Variants in CDH2 observed in about 807,000 individuals in gnomAD.
CDH2 encodes cadherin 2, also known as cadherin-2.
Under a neutral mutation model 92.0 loss-of-function variants are expected in CDH2, and 17 were observed. The observed-to-expected ratio is 0.18, with a 90% confidence interval of 0.13 to 0.28. CDH2 has a LOEUF of 0.28. Ranked by LOEUF, CDH2 falls within the 10% of genes least tolerant of loss-of-function variation. CDH2 has a pLI of 1.00. For synonymous variants in CDH2, 419 were observed against 415.9 expected, an observed-to-expected ratio of 1.01 and a Z score of -0.09; for missense variants, 862 against 1,133.1, an observed-to-expected ratio of 0.76 and a Z score of 3.44.
At chr18:28,015,721 T>C (rs966112735) in intron 2 of CDH2, among the ~76,000 whole-genome samples, 2 of 152,204 alleles carry the variant, frequency 1.3e-5, no homozygotes, top group African/African-American at 2.4e-5. Context: ...CATAAACACC[T>C]GGACTGTTAC....
At chr18:27,959,026 C>T (rs1334799903) in intron 15 of CDH2, among the ~76,000 whole-genome samples, 1 of 151,828 alleles carries the variant, frequency 6.6e-6, no homozygotes, top group Non-Finnish European at 1.5e-5. Context: ...TTCATAGCAG[C>T]GTGAAAACAG....
intron 1 of CDH2, among the ~76,000 whole-genome samples, chr18:28,171,002 G>A (rs1004083948): frequency 1.3e-5 from 2 of 151,918 alleles, no homozygotes; most frequent in Non-Finnish European, 2.9e-5. Flanking sequence ...GCCGAGGCAG[G>A]CGGATTCCCT....
chr18:27,953,819 T>C (rs1909580618), intron 15 of CDH2, among the ~76,000 whole-genome samples: 1 of 152,184 alleles, frequency 6.6e-6, no homozygotes, highest in South Asian at 2.1e-4. Flanking sequence ...ACCCGAGGTC[T>C]CACCACAGTG....
intron 15 of CDH2, among the ~76,000 whole-genome samples, chr18:27,962,311 C>T (rs1256349559): frequency 6.6e-6 from 1 of 152,098 alleles, no homozygotes; most frequent in Non-Finnish European, 1.5e-5. Flanking sequence ...TACATATGTT[C>T]AGAAAGGCAG....
At chr18:28,166,614 A>C (rs901567334) in intron 1 of CDH2, among the ~76,000 whole-genome samples, 2 of 152,192 alleles carry the variant, frequency 1.3e-5, no homozygotes, top group Non-Finnish European at 2.9e-5. Flanking sequence ...GCAGCAAAAC[A>C]ATGTGTAGAG....
intron 6 of CDH2, among the ~76,000 whole-genome samples, chr18:27,942,186 CT>C (rs1909155058): frequency 6.6e-6 from 1 of 152,034 alleles, no homozygotes. Flanking sequence ...TTACAAAGTT[CT>C]TATGGAAGTT....
intron 1 of CDH2, among the ~76,000 whole-genome samples, chr18:28,155,540 G>A (rs1408216770): frequency 6.6e-6 from 1 of 152,176 alleles, no homozygotes; most frequent in Non-Finnish European, 1.5e-5. Flanking sequence ...AGATGCACAA[G>A]TGGAATTCCC....
At chr18:27,961,573 G>A (rs901225922) in intron 15 of CDH2, among the ~76,000 whole-genome samples, 3 of 152,102 alleles carry the variant, frequency 2.0e-5, no homozygotes, top group African/African-American at 7.2e-5. Context: ...TAGTTCAGTG[G>A]GGCTGCAGCA....
chr18:28,032,422 C>A (rs574213321), intron 2 of CDH2, among the ~76,000 whole-genome samples: 1 of 151,930 alleles, frequency 6.6e-6, no homozygotes, highest in Non-Finnish European at 1.5e-5. Context: ...AAGATTGCAC[C>A]CACTTCCTCA....
intron 4 of CDH2, 121 bp downstream of exon 4, chr18:28,011,725 T>C: frequency 2.2e-6 from 2 of 912,694 alleles, no homozygotes; most frequent in East Asian, 2.6e-5. Context: ...TCTATCTTTA[T>C]AGAAAAACAC....
chr18:28,022,441 C>T (rs1299949032), intron 2 of CDH2, among the ~76,000 whole-genome samples: 2 of 151,888 alleles, frequency 1.3e-5, no homozygotes, highest in Non-Finnish European at 2.9e-5. Context: ...TAAATTTGAC[C>T]TTGTGTTCAC....
intron 14 of CDH2, among the ~76,000 whole-genome samples, chr18:27,973,505 T>A (rs1296680690): frequency 6.6e-6 from 1 of 152,170 alleles, no homozygotes; most frequent in Non-Finnish European, 1.5e-5. Flanking sequence ...CTATACAGTG[T>A]TGTATTTCAT....
intron 1 of CDH2, among the ~76,000 whole-genome samples, 191 bp from the exon 2 acceptor site, chr18:28,147,975 C>G (rs560930678): frequency 6.6e-6 from 1 of 152,214 alleles, no homozygotes; most frequent in South Asian, 2.1e-4. Flanking sequence ...GTAGAAGAAA[C>G]AAATCCCACT....
At chr18:27,959,046 C>T (rs542652350) in intron 15 of CDH2, among the ~76,000 whole-genome samples, 126 of 152,072 alleles carry the variant, frequency 8.3e-4, no homozygotes, top group African/African-American at 2.9e-3. Flanking sequence ...GAAAAATACA[C>T]GTATATATAT....
chr18:28,012,180 C>T (rs2013120304), intron 3 of CDH2, among the ~76,000 whole-genome samples, 188 bp from the exon 4 acceptor site: 1 of 152,130 alleles, frequency 6.6e-6, no homozygotes. Context: ...TTGGGTTATA[C>T]TGTGTATCTG....
At chr18:28,144,611 G>C (rs572334562) in intron 2 of CDH2, among the ~76,000 whole-genome samples, 5 of 152,068 alleles carry the variant, frequency 3.3e-5, no homozygotes, top group African/African-American at 1.2e-4. Context: ...CTCCATAGCA[G>C]CACTACATAT....
rs548911505 is a variant in CDH2 at position 28,001,241 on chromosome 18, C to T, written c.1020+1756G>A. Among the ~76,000 whole-genome samples the T allele has an allele frequency of 5.3e-5, 8 of 152,230 alleles. No homozygotes were observed. In the South Asian group the frequency reaches 6.2e-4, roughly 12 times the overall value. On this transcript the variant is annotated intron_variant, in intron 7 of 15. Transcript: ENST00000269141. ...TCACGTCAGGCTTTCATCCTCTAAA[C>T]GAAATACAGTCTGATTTTTAAACAT...
At chr18:28,116,394 T>A (rs1310506587) in intron 2 of CDH2, among the ~76,000 whole-genome samples, 1 of 152,212 alleles carries the variant, frequency 6.6e-6, no homozygotes, top group African/African-American at 2.4e-5. Flanking sequence ...GTTTTAAATT[T>A]TACTGTTTTA....
In CDH2 at chr18:28,147,716, T is replaced by C. The variant is rs200557447; in HGVS notation, c.129A>G (p.Ala43=). 1.4e-5 allele frequency: 23 copies of C among 1,612,912 alleles called. No individual in the cohort carries two copies. In the South Asian group the frequency reaches 1.4e-4, roughly 10 times the overall value. Residue 43 remains alanine (A), a synonymous_variant, in exon 2 of 16, where the codon GCA becomes GCG. Transcript: ENST00000269141. ...KTGFPEDVYS[A]VLSKDVHEGQ... is the part of the protein sequence containing the mutation. ...CTTCATGCACATCCTTCGATAAGAC[T>C]GCACTGTAAACATCTTCAGGAAATC...
Sources: allele counts gnomAD v4.1 joint callset (sites outside exome capture counted in the v4.1 genomes callset), GRCh38; gene constraint gnomAD v4.1.1; transcripts MANE v1.5; gene names NCBI Gene and HGNC (gene_info 2026-07-23, HGNC 2026-07-21).